AFF3: variants seen among roughly 807,000 people sequenced by gnomAD.
AFF3 encodes the protein ALF transcription elongation factor 3.
AFF3 carries 32 observed loss-of-function variants against 129.7 expected under a neutral mutation model. The ratio of observed to expected loss-of-function variants is 0.25; its 90% CI spans 0.19 to 0.33. The LOEUF (loss-of-function observed/expected upper bound fraction) is 0.33, where lower values mean the gene tolerates loss of function less well. AFF3 is among the 10% of genes least tolerant of loss of function. AFF3 has a pLI of 1.00. For synonymous variants in AFF3, 644 were observed against 635.4 expected, an observed-to-expected ratio of 1.01 and a Z score of -0.20; for missense variants, 1,373 against 1,592.0, an observed-to-expected ratio of 0.86 and a Z score of 2.34.
intron 4 of AFF3, among the ~76,000 whole-genome samples, chr2:100,051,471 T>C (rs111359105): frequency 3.0e-4 from 45 of 152,232 alleles, no homozygotes; most frequent in Non-Finnish European, 4.1e-4. Context: ...ATATTCTGTC[T>C]CCAGAAAAGG....
intron 13 of AFF3, among the ~76,000 whole-genome samples, chr2:99,603,374 A>T (rs1680022538): frequency 6.6e-6 from 1 of 151,852 alleles, no homozygotes; most frequent in Non-Finnish European, 1.5e-5. Flanking sequence ...GAAACAAGCA[A>T]TGGGGAAAGG....
intron 7 of AFF3, among the ~76,000 whole-genome samples, chr2:99,910,444 C>T (rs996268829): frequency 1.3e-5 from 2 of 152,168 alleles, no homozygotes; most frequent in Admixed American, 6.5e-5. Flanking sequence ...TGTTCTTCCT[C>T]CACTGCTACT....
rs777829300 is a variant in AFF3, at chr2:99,649,681, G to A, written c.1144-15C>T. On this transcript the variant is annotated splice_polypyrimidine_tract_variant and intron_variant, in intron 12 of 24. Transcript: ENST00000672756. ...TGAGCTGCCTGCTGGAAGAAAGAAA[G>A]GGCAGAGATGTTTATTTAATATTCT... 6.2e-7 allele frequency: 1 copy of A among 1,613,896 alleles called. No homozygotes were observed. Among genetic ancestry groups the A allele is most frequent in the South Asian group, 1.1e-5 (1 of 91,054 alleles).
chr2:99,649,128 C>T (rs527750144), intron 13 of AFF3, among the ~76,000 whole-genome samples: 10 of 151,928 alleles, frequency 6.6e-5, no homozygotes, highest in Non-Finnish European at 1.0e-4. Flanking sequence ...CAGTAACACG[C>T]GCCAGGAGAA....
chr2:99,879,591 A>G (rs932128676), intron 7 of AFF3, among the ~76,000 whole-genome samples: 1 of 152,210 alleles, frequency 6.6e-6, no homozygotes, highest in Non-Finnish European at 1.5e-5. Flanking sequence ...GCTTTTGGAT[A>G]GTTTGCTCCA....
At chr2:99,943,403 C>T (rs1001543323) in intron 7 of AFF3, among the ~76,000 whole-genome samples, 2 of 152,154 alleles carry the variant, frequency 1.3e-5, no homozygotes, top group Non-Finnish European at 2.9e-5. Flanking sequence ...CTATTATTTA[C>T]CCATCAGGAA....
intron 4 of AFF3, among the ~76,000 whole-genome samples, chr2:100,037,108 G>A (rs922935678): frequency 1.3e-5 from 2 of 151,844 alleles, no homozygotes; most frequent in Non-Finnish European, 2.9e-5. Context: ...TAACAGCAAT[G>A]TGTGCAATGA....
Position 99,593,863 on chromosome 2 carries a change from C to T in AFF3, c.1798G>A (p.Ala600Thr), listed in dbSNP as rs2104979557. 5.1e-6 allele frequency: 8 copies of T among 1,574,524 alleles called. No individual in the cohort carries two copies. Among genetic ancestry groups the T allele is most frequent in the South Asian group, 1.1e-5 (1 of 87,750 alleles). The stretch of plus-strand genomic sequence containing the variant: ...GGCTCCTCGGGCCGGTGGCAGTTGG[C>T]GCCGTCCCCGGCTGAGGTCCTCTCG... The part of the protein sequence containing the change: ...RTERTSAGDG[A>T]NCHRPEEPAA... Residue 600 changes from alanine to threonine, a missense_variant, in exon 15 of 25, where the codon GCC becomes ACC. By Grantham distance (58) the Ala-to-Thr change is moderately conservative. Around this residue, in one of 9 missense-constraint regions of AFF3, gnomAD observed 466 missense variants for 505.0 expected, o/e 0.92. Transcript: ENST00000672756.
rs547696073 is a variant in AFF3, at chr2:99,844,715, A to T, written c.874-7191T>A. Among the ~76,000 whole-genome samples, 12 of 152,154 alleles carry T rather than the reference A, an allele frequency of 7.9e-5. No individual in the cohort carries two copies. The South Asian group carries it at 1.2e-3, about 16-fold the overall frequency. On this transcript the variant is annotated intron_variant, in intron 7 of 24. Coordinates refer to ENST00000672756, the MANE Select transcript of AFF3 (RefSeq NM_001386135.1). Reference sequence around the variant, plus strand: ...CTCCCAAAGTGCTGGGATTACAGGCATGAGCCAGCATGCCTGGCTTACTTT... The same window carrying T: ...CTCCCAAAGTGCTGGGATTACAGGCTTGAGCCAGCATGCCTGGCTTACTTT...
chr2:99,671,649 A>G (rs561154611), intron 12 of AFF3, among the ~76,000 whole-genome samples: 1 of 152,248 alleles, frequency 6.6e-6, no homozygotes, highest in South Asian at 2.1e-4. Flanking sequence ...TCCAAAACCA[A>G]CAGAACAGCA....
intron 7 of AFF3, among the ~76,000 whole-genome samples, chr2:99,938,058 A>G (rs1037360991): frequency 9.2e-5 from 14 of 152,134 alleles, no homozygotes; most frequent in African/African-American, 3.1e-4. Flanking sequence ...GGCTTCTCAG[A>G]GCCTCAGCTT....
At chr2:99,882,030 T>G (rs1358812710) in intron 7 of AFF3, among the ~76,000 whole-genome samples, 1 of 152,176 alleles carries the variant, frequency 6.6e-6, no homozygotes, top group Non-Finnish European at 1.5e-5. Flanking sequence ...TGTCTCATTT[T>G]GGCATGATTG....
At chr2:99,926,879 G>T (rs951357276) in intron 7 of AFF3, among the ~76,000 whole-genome samples, 11 of 151,852 alleles carry the variant, frequency 7.2e-5, no homozygotes, top group African/African-American at 2.7e-4. Flanking sequence ...ATTTTTTTAA[G>T]TAAACACAAT....
intron 8 of AFF3, among the ~76,000 whole-genome samples, chr2:99,808,222 G>A (rs550346247): frequency 1.3e-5 from 2 of 152,170 alleles, no homozygotes; most frequent in African/African-American, 4.8e-5. Flanking sequence ...GTGACTGTGG[G>A]TATGGAAGCT....
intron 13 of AFF3, among the ~76,000 whole-genome samples, chr2:99,611,576 G>A (rs1322598934): frequency 6.6e-6 from 1 of 152,014 alleles, no homozygotes; most frequent in Non-Finnish European, 1.5e-5. Flanking sequence ...CACGGTGTTT[G>A]TCTGGAATAG....
chr2:100,068,702 T>C (rs916034984), intron 4 of AFF3, among the ~76,000 whole-genome samples: 1 of 152,146 alleles, frequency 6.6e-6, no homozygotes, highest in African/African-American at 2.4e-5. Context: ...GCTCATCTCC[T>C]CTGAACTACT....
At chr2:100,120,161 A>G (rs1691899324) in intron 2 of AFF3, among the ~76,000 whole-genome samples, 1 of 152,230 alleles carries the variant, frequency 6.6e-6, no homozygotes, top group African/African-American at 2.4e-5. Flanking sequence ...ACGATTGACA[A>G]AATGGAAGGC....
intron 12 of AFF3, among the ~76,000 whole-genome samples, chr2:99,657,364 T>TA (rs1227557367): frequency 1.3e-5 from 2 of 152,188 alleles, no homozygotes; most frequent in African/African-American, 4.8e-5. Context: ...TCCTAGTCTG[T>TA]AACATGAAGT....
chr2:100,130,283 G>A (rs892335098), intron 1 of AFF3, among the ~76,000 whole-genome samples: 3 of 152,104 alleles, frequency 2.0e-5, no homozygotes, highest in African/African-American at 7.2e-5. Context: ...TGATGTGCCC[G>A]AGAATGCTCT....
Sources: allele counts gnomAD v4.1 joint callset (sites outside exome capture counted in the v4.1 genomes callset), GRCh38; gene constraint gnomAD v4.1.1; regional missense constraint gnomAD v4.1.1; transcripts MANE v1.5; gene names NCBI Gene and HGNC (gene_info 2026-07-23, HGNC 2026-07-21).